Variants in CLASP2 observed in about 807,000 individuals in gnomAD.
CLASP2 encodes the protein cytoplasmic linker associated protein 2.
A neutral mutation model predicts 194.4 loss-of-function variants in CLASP2; 47 were observed. That is an observed-to-expected ratio of 0.24 (90% CI 0.19 to 0.31). The LOEUF (loss-of-function observed/expected upper bound fraction) is 0.31, where lower values mean the gene tolerates loss of function less well. Ranked by LOEUF, CLASP2 falls within the 10% of genes least tolerant of loss-of-function variation. The pLI, the probability that CLASP2 is intolerant of heterozygous loss-of-function variation, is 1.00. For missense variants in CLASP2, 1,445 were observed against 1,823.6 expected (o/e 0.79, Z 3.78); for synonymous variants, 619 against 633.5 (o/e 0.98, Z 0.34).
At chr3:33,526,978 C>T (rs1035167043) in intron 34 of CLASP2, among the ~76,000 whole-genome samples, 8 of 152,138 alleles carry the variant, frequency 5.3e-5, no homozygotes, top group Admixed American at 1.3e-4. Flanking sequence ...ACAGCTATGG[C>T]AGTGTTAAGA....
chr3:33,533,892 T>G (rs2056826692), intron 34 of CLASP2, among the ~76,000 whole-genome samples: 1 of 152,114 alleles, frequency 6.6e-6, no homozygotes, highest in Non-Finnish European at 1.5e-5. Context: ...AATTTTCATA[T>G]TTTTAGTAGA....
intron 6 of CLASP2, among the ~76,000 whole-genome samples, chr3:33,680,661 A>G (rs1389375625): frequency 6.6e-6 from 1 of 152,062 alleles, no homozygotes; most frequent in East Asian, 1.9e-4. Context: ...AATTTTAAAA[A>G]TTAGCCAGGT....
At chr3:33,666,544 T>C (rs770596523) in intron 6 of CLASP2, among the ~76,000 whole-genome samples, 6 of 152,240 alleles carry the variant, frequency 3.9e-5, no homozygotes, top group Non-Finnish European at 8.8e-5. Flanking sequence ...GTCATCCCTG[T>C]TGTGACCAAA....
intron 10 of CLASP2, among the ~76,000 whole-genome samples, chr3:33,623,335 T>C (rs1376811987): frequency 1.3e-5 from 2 of 152,198 alleles, no homozygotes; most frequent in Admixed American, 1.3e-4. Context: ...ACAGTCACCC[T>C]ACTGTGCTGC....
intron 10 of CLASP2, among the ~76,000 whole-genome samples, chr3:33,625,672 GT>G (rs1029485775): frequency 6.6e-6 from 1 of 151,074 alleles, no homozygotes; most frequent in Non-Finnish European, 1.5e-5. Context: ...AATGAAGTTT[GT>G]TTTTTTATTT....
chr3:33,670,132 G>A (rs547231673), intron 6 of CLASP2, among the ~76,000 whole-genome samples: 4 of 151,480 alleles, frequency 2.6e-5, no homozygotes, highest in East Asian at 1.9e-4. Flanking sequence ...ACACACACAC[G>A]TAAAAAACAT....
chr3:33,568,184 G>A (rs2063087457), intron 26 of CLASP2, among the ~76,000 whole-genome samples: 1 of 152,038 alleles, frequency 6.6e-6, no homozygotes, highest in African/African-American at 2.4e-5. Context: ...TGGCCTGCAA[G>A]CTATTTCTAA....
intron 11 of CLASP2, among the ~76,000 whole-genome samples, chr3:33,620,157 T>G (rs1222417470): frequency 6.6e-6 from 1 of 152,210 alleles, no homozygotes; most frequent in Non-Finnish European, 1.5e-5. Context: ...AAAATCTTAC[T>G]CAAATCAATG....
At chr3:33,602,492 G>A in intron 18 of CLASP2, 1 of 740,924 alleles carries the variant, frequency 1.3e-6, no homozygotes, top group Non-Finnish European at 2.5e-6. Flanking sequence ...AAAACATGAA[G>A]AAATCAAACT....
At chr3:33,661,442 G>A (rs1028494064) in intron 7 of CLASP2, among the ~76,000 whole-genome samples, 2 of 152,230 alleles carry the variant, frequency 1.3e-5, no homozygotes, top group African/African-American at 4.8e-5. Flanking sequence ...GAGATTTAGA[G>A]AGGATATTAG....
At chr3:33,555,490 C>T (rs571842820) in intron 29 of CLASP2, among the ~76,000 whole-genome samples, 87 of 151,686 alleles carry the variant, frequency 5.7e-4, no homozygotes, top group Admixed American at 3.2e-3. Context: ...CTCAGCTTCC[C>T]GAGTAGATAA....
intron 1 of CLASP2, among the ~76,000 whole-genome samples, chr3:33,702,829 A>G (rs1234872432): frequency 2.0e-5 from 3 of 152,196 alleles, no homozygotes; most frequent in African/African-American, 4.8e-5. Context: ...AATACAATCA[A>G]ATGATCTCTC....
At chr3:33,700,793 T>G (rs1169238015) in intron 1 of CLASP2, among the ~76,000 whole-genome samples, 1 of 152,180 alleles carries the variant, frequency 6.6e-6, no homozygotes, top group African/African-American at 2.4e-5. Flanking sequence ...GAGGTTACAG[T>G]GAGCTGAGAT....
chr3:33,678,213 A>C (rs949354691), intron 6 of CLASP2, among the ~76,000 whole-genome samples: 1 of 152,158 alleles, frequency 6.6e-6, no homozygotes, highest in South Asian at 2.1e-4. Context: ...CTGAAACAAT[A>C]ATCATGGAGA....
At chr3:33,655,678 G>T (rs2084037554) in intron 7 of CLASP2, among the ~76,000 whole-genome samples, 1 of 152,026 alleles carries the variant, frequency 6.6e-6, no homozygotes, top group Non-Finnish European at 1.5e-5. Flanking sequence ...CAGCATGGAA[G>T]AAGAGAGATC....
intron 34 of CLASP2, among the ~76,000 whole-genome samples, chr3:33,527,098 T>G (rs980201425): frequency 1.3e-5 from 2 of 152,098 alleles, no homozygotes; most frequent in Admixed American, 1.3e-4. Context: ...ACCCCAATGT[T>G]AGCAGAGGAC....
chr3:33,544,959 GA>G, intron 30 of CLASP2, 118 bp from the exon 31 acceptor site: 1 of 631,910 alleles, frequency 1.6e-6, no homozygotes, highest in Non-Finnish European at 2.4e-6. Context: ...CAGGGAAAAG[GA>G]AGATATTCTT....
chr3:33,573,468 C>A, intron 24 of CLASP2, 114 bp from the exon 25 acceptor site: 1 of 1,042,000 alleles, frequency 9.6e-7, no homozygotes, highest in South Asian at 1.4e-5. Context: ...GCAAAGCATG[C>A]TCCTAATCAT....
At chr3:33,632,229 AC>A in intron 9 of CLASP2, 62 bp downstream of exon 9, 1 of 1,023,568 alleles carries the variant, frequency 9.8e-7, no homozygotes, top group Non-Finnish European at 1.4e-6. Context: ...AGGGACAGAG[AC>A]AAATAATTAT....
Sources: allele counts gnomAD v4.1 joint callset (sites outside exome capture counted in the v4.1 genomes callset), GRCh38; gene constraint gnomAD v4.1.1; transcripts MANE v1.5; gene names NCBI Gene and HGNC (gene_info 2026-07-23, HGNC 2026-07-21).